The following POLR3B variants were observed in gnomAD, a reference collection of about 807,000 sequenced individuals.
POLR3B encodes RNA polymerase III subunit B.
POLR3B carries 96 observed loss-of-function variants against 147.4 expected under a neutral mutation model. The ratio of observed to expected loss-of-function variants is 0.65; its 90% CI spans 0.55 to 0.77. POLR3B has a LOEUF of 0.77. POLR3B is among the 30% of genes least tolerant of loss of function. The pLI, the probability that POLR3B is intolerant of heterozygous loss-of-function variation, is 0.00. For synonymous variants in POLR3B, 461 were observed against 485.9 expected (o/e 0.95, Z 0.67); for missense variants, 1,036 against 1,413.5 (o/e 0.73, Z 4.28).
rs185643121 is a variant in POLR3B, at chr12:106,432,038, A to G, written c.1465-280A>G. Among the ~76,000 whole-genome samples, 546 of 152,240 alleles carry G rather than the reference A, an allele frequency of 3.6e-3. 6 individuals are homozygous for G. The highest frequency in any genetic ancestry group is 0.013 in the African/African-American group (523 of 41,524). ...GTTAATGTAATCAGTTTTGTTGGGCATTTATGATGTCGTCAGCATTTACAA... is the reference window on the plus strand; with the variant it reads ...GTTAATGTAATCAGTTTTGTTGGGCGTTTATGATGTCGTCAGCATTTACAA... On this transcript the variant is annotated intron_variant, in intron 14 of 27. Transcript: ENST00000228347.
At chr12:106,452,399 T>A (rs1192187523) in intron 19 of POLR3B, among the ~76,000 whole-genome samples, 2 of 152,212 alleles carry the variant, frequency 1.3e-5, no homozygotes, top group African/African-American at 2.4e-5. Flanking sequence ...CTGAGAATTA[T>A]GTTCTGGGCC....
At chr12:106,388,244 A>G (rs1298157843) in intron 9 of POLR3B, among the ~76,000 whole-genome samples, 5 of 152,072 alleles carry the variant, frequency 3.3e-5, no homozygotes, top group African/African-American at 1.2e-4. Context: ...CTGTAGTTTG[A>G]AAGTTTTTGT....
intron 9 of POLR3B, among the ~76,000 whole-genome samples, chr12:106,391,957 C>T (rs917157509): frequency 6.6e-6 from 1 of 152,162 alleles, no homozygotes; most frequent in African/African-American, 2.4e-5. Context: ...TTTCCCCTCA[C>T]TTCTAAGAAG....
chr12:106,401,441 A>G (rs1444704536), intron 10 of POLR3B, among the ~76,000 whole-genome samples: 1 of 152,232 alleles, frequency 6.6e-6, no homozygotes, highest in Admixed American at 6.5e-5. Flanking sequence ...AAAAAGAGGG[A>G]ATCCTCCCTA....
chr12:106,435,716 A>C (rs1183957443), intron 16 of POLR3B, among the ~76,000 whole-genome samples: 1 of 152,168 alleles, frequency 6.6e-6, no homozygotes, highest in Non-Finnish European at 1.5e-5. Context: ...GTAGGGTGCC[A>C]GGCACACATT....
chr12:106,506,409 AC>A (rs2038689045), intron 27 of POLR3B, among the ~76,000 whole-genome samples: 1 of 150,798 alleles, frequency 6.6e-6, no homozygotes, highest in African/African-American at 2.4e-5. Context: ...CCCTCTCCCC[AC>A]CCCCGGAGAA....
intron 19 of POLR3B, among the ~76,000 whole-genome samples, chr12:106,454,265 A>G (rs185487149): frequency 6.6e-6 from 1 of 152,310 alleles, no homozygotes; most frequent in Admixed American, 6.5e-5. Flanking sequence ...AGTCTAAATT[A>G]TTTAGATTAA....
chr12:106,431,562 C>T (rs2037510652), intron 14 of POLR3B, among the ~76,000 whole-genome samples: 1 of 152,134 alleles, frequency 6.6e-6, no homozygotes, highest in South Asian at 2.1e-4. Context: ...CTTTTCTTTT[C>T]ATTTTGAAAT....
chr12:106,496,605 G>A (rs2038489747), intron 24 of POLR3B, 147 bp from the exon 25 acceptor site: 2 of 722,688 alleles, frequency 2.8e-6, no homozygotes, highest in Non-Finnish European at 2.4e-6. Context: ...CGTAAAATTA[G>A]ATCACACATG....
At chr12:106,456,272 G>T (rs1001416693) in intron 20 of POLR3B, among the ~76,000 whole-genome samples, 1 of 151,986 alleles carries the variant, frequency 6.6e-6, no homozygotes, top group South Asian at 2.1e-4. Context: ...CAGTGGTTGA[G>T]TTTTTTTGCC....
intron 22 of POLR3B, among the ~76,000 whole-genome samples, chr12:106,461,840 A>C (rs2037941726): frequency 6.6e-6 from 1 of 152,192 alleles, no homozygotes; most frequent in Admixed American, 6.5e-5. Flanking sequence ...ACCCTGGCCA[A>C]GATGACTCTT....
chr12:106,478,463 G>A (rs1010103640), intron 23 of POLR3B, among the ~76,000 whole-genome samples: 11 of 152,034 alleles, frequency 7.2e-5, no homozygotes, highest in Non-Finnish European at 1.3e-4. Flanking sequence ...GTCCTCCTGG[G>A]TCTAGCTGAC....
At chr12:106,460,599 C>T (rs890994985) in intron 22 of POLR3B, among the ~76,000 whole-genome samples, 1 of 152,186 alleles carries the variant, frequency 6.6e-6, no homozygotes, top group African/African-American at 2.4e-5. Context: ...GGTCCAGACT[C>T]TACACTGACT....
chr12:106,438,329 A>T (rs1219868964), intron 18 of POLR3B, among the ~76,000 whole-genome samples: 2 of 152,152 alleles, frequency 1.3e-5, no homozygotes. Context: ...CGCATCATTT[A>T]TCCTAGTGAA....
At chr12:106,411,655 G>A (rs2037229215) in intron 12 of POLR3B, among the ~76,000 whole-genome samples, 1 of 152,122 alleles carries the variant, frequency 6.6e-6, no homozygotes, top group Non-Finnish European at 1.5e-5. Flanking sequence ...CTTACTCCTT[G>A]TAGTCTCAGT....
intron 8 of POLR3B, among the ~76,000 whole-genome samples, chr12:106,378,655 A>G (rs2036715633): frequency 6.6e-6 from 1 of 152,182 alleles, no homozygotes; most frequent in African/African-American, 2.4e-5. Context: ...GAGATTTAAA[A>G]AAAAAAAAAT....
chr12:106,482,038 G>A (rs1176346315), intron 23 of POLR3B, among the ~76,000 whole-genome samples: 2 of 152,116 alleles, frequency 1.3e-5, no homozygotes, highest in African/African-American at 4.8e-5. Context: ...TTACATAAAT[G>A]CTAACAATCA....
chr12:106,498,395 T>A (rs1157294178), intron 25 of POLR3B, among the ~76,000 whole-genome samples: 1 of 152,162 alleles, frequency 6.6e-6, no homozygotes, highest in Non-Finnish European at 1.5e-5. Flanking sequence ...ATCTCTGCAA[T>A]GATCGTGAAT....
At position 106,416,019 on chromosome 12, in the gene POLR3B, G is replaced by A. The variant is rs188750605; in HGVS notation, c.1101+5059G>A. The stretch of plus-strand genomic sequence containing the variant: ...AGCTCTTGCCCTGAAAACTATTCAG[G>A]ACTCTGTGAATTTATGCTTAGTGGG... On this transcript the variant is annotated intron_variant, in intron 12 of 27. Coordinates refer to ENST00000228347, the MANE Select transcript of POLR3B (RefSeq NM_018082.6). Among the ~76,000 whole-genome samples the A allele has an allele frequency of 1.1e-3, 160 of 152,228 alleles. 4 individuals are homozygous for A. The East Asian group carries it at 0.017, about 17-fold the overall frequency.
Sources: allele counts gnomAD v4.1 joint callset (sites outside exome capture counted in the v4.1 genomes callset), GRCh38; gene constraint gnomAD v4.1.1; transcripts MANE v1.5; gene names NCBI Gene and HGNC (gene_info 2026-07-23, HGNC 2026-07-21).